PRICKLE2: variants seen among roughly 807,000 people sequenced by gnomAD.
The protein encoded by PRICKLE2 is prickle-like protein 2.
PRICKLE2 carries 21 observed loss-of-function variants against 81.4 expected under a neutral mutation model. The ratio of observed to expected loss-of-function variants is 0.26; its 90% CI spans 0.18 to 0.37. The LOEUF is 0.37. Ranked by LOEUF, PRICKLE2 falls within the 10% of genes least tolerant of loss-of-function variation. The probability of loss-of-function intolerance (pLI) is 1.00; values close to 1 mark genes in which losing one functional copy is unlikely to be tolerated. For missense variants in PRICKLE2, 940 were observed against 1,109.0 expected, an observed-to-expected ratio of 0.85 and a Z score of 2.16; for synonymous variants, 456 against 421.5, an observed-to-expected ratio of 1.08 and a Z score of -1.00.
At position 64,184,032 on chromosome 3, in the gene PRICKLE2, A is replaced by G. The variant is rs57680023; in HGVS notation, c.144+14752T>C. ...ATTAAATCCAAGGTTTGGGCTTAAG[A>G]ATTTCTGTTCTGTCTTGTTTTGCTT... On this transcript the variant is annotated intron_variant, in intron 2 of 7. Transcript: ENST00000638394. 9.6e-3 allele frequency among the ~76,000 whole-genome samples: 1,458 copies of G among 152,328 alleles called. 25 individuals are homozygous for G. The highest frequency in any genetic ancestry group is 0.033 in the African/African-American group (1,371 of 41,570).
chr3:64,178,985 T>TTC (rs1015116559), intron 2 of PRICKLE2, among the ~76,000 whole-genome samples: 8 of 142,516 alleles, frequency 5.6e-5, no homozygotes, highest in African/African-American at 2.1e-4. Context: ...CTTTCTTTCT[T>TTC]TCTTTCTTTC....
intron 7 of PRICKLE2, among the ~76,000 whole-genome samples, chr3:64,112,303 G>A (rs966759978): frequency 6.6e-6 from 1 of 152,156 alleles, no homozygotes; most frequent in Non-Finnish European, 1.5e-5. Context: ...GGATAAAAGT[G>A]GTTTATGGAT....
chr3:64,111,683 T>C (rs1022775221), intron 7 of PRICKLE2, among the ~76,000 whole-genome samples: 1 of 152,198 alleles, frequency 6.6e-6, no homozygotes, highest in African/African-American at 2.4e-5. Context: ...GTACAGTATA[T>C]CCCATTTATA....
intron 2 of PRICKLE2, among the ~76,000 whole-genome samples, chr3:64,260,575 T>C (rs2079601659): frequency 6.6e-6 from 1 of 152,130 alleles, no homozygotes; most frequent in Admixed American, 6.5e-5. Flanking sequence ...CAATGAACAG[T>C]CCAAATAAAT....
At chr3:64,157,390 T>G in intron 4 of PRICKLE2, 25 bp from the exon 5 acceptor site, 1 of 1,605,524 alleles carries the variant, frequency 6.2e-7, no homozygotes, top group South Asian at 1.1e-5. Context: ...GAAACATCAG[T>G]AGTCACACTA....
At chr3:64,131,080 A>T (rs2077190190) in intron 7 of PRICKLE2, among the ~76,000 whole-genome samples, 2 of 152,238 alleles carry the variant, frequency 1.3e-5, no homozygotes, top group South Asian at 4.1e-4. Context: ...GTGTGGTAAA[A>T]GGCCTCAAAC....
chr3:64,144,146 C>CA (rs1416113701), intron 7 of PRICKLE2, among the ~76,000 whole-genome samples: 1 of 152,150 alleles, frequency 6.6e-6, no homozygotes, highest in East Asian at 1.9e-4. Flanking sequence ...TAAAAATCCA[C>CA]ATTTTTAACT....
intron 1 of PRICKLE2, among the ~76,000 whole-genome samples, chr3:64,223,767 C>T (rs1342328463): frequency 6.6e-6 from 1 of 152,152 alleles, no homozygotes. Flanking sequence ...CCCTTGGGGA[C>T]CCTCATCCTG....
intron 4 of PRICKLE2, among the ~76,000 whole-genome samples, chr3:64,157,839 A>G (rs1207675514): frequency 6.6e-6 from 1 of 152,170 alleles, no homozygotes; most frequent in Admixed American, 6.5e-5. Flanking sequence ...TGGATACATA[A>G]CAGCACGCTC....
At chr3:64,138,968 T>C (rs939502312) in intron 7 of PRICKLE2, among the ~76,000 whole-genome samples, 10 of 152,210 alleles carry the variant, frequency 6.6e-5, no homozygotes, top group Non-Finnish European at 1.0e-4. Context: ...GACCTGGCCC[T>C]TCCTTAAATT....
At chr3:64,216,278 A>T (rs540427020) in intron 1 of PRICKLE2, among the ~76,000 whole-genome samples, 17 of 152,350 alleles carry the variant, frequency 1.1e-4, no homozygotes, top group African/African-American at 4.1e-4. Context: ...GAAAGCTGGG[A>T]TCCTCTCCCT....
intron 2 of PRICKLE2, among the ~76,000 whole-genome samples, chr3:64,257,977 C>A (rs533163990): frequency 6.6e-6 from 1 of 152,256 alleles, no homozygotes; most frequent in East Asian, 1.9e-4. Context: ...CAATAAGTCA[C>A]CATCTATGAA....
chr3:64,218,288 C>T (rs2078903194), intron 1 of PRICKLE2, among the ~76,000 whole-genome samples: 1 of 152,152 alleles, frequency 6.6e-6, no homozygotes, highest in Non-Finnish European at 1.5e-5. Context: ...TACTTAAAAA[C>T]AATAAAACCT....
At position 64,099,486 on chromosome 3, in the gene PRICKLE2, G is replaced by A; in HGVS notation, c.2100C>T (p.His700=). Residue 700 remains histidine, a synonymous_variant, in exon 8 of 8, where the codon CAC becomes CAT. Transcript: ENST00000638394. The surrounding 1 kb of genome is among the most constrained non-coding windows in gnomAD (Gnocchi z 4.3). ...SRRSRSDNAL[H]LASEREAISR... ...AGATGGCCTCGCGTTCGCTGGCCAG[G>A]TGGAGGGCGTTGTCGGAGCGAGAGC... is the stretch of plus-strand genomic sequence containing the variant. 2 of 1,590,972 alleles carry A rather than the reference G, an allele frequency of 1.3e-6. No homozygotes were observed. The highest frequency in any genetic ancestry group is 8.6e-7 in the Non-Finnish European group (1 of 1,164,004).
intron 7 of PRICKLE2, among the ~76,000 whole-genome samples, chr3:64,133,338 C>A (rs78182654): frequency 2.6e-5 from 4 of 152,126 alleles, no homozygotes; most frequent in South Asian, 4.2e-4. Context: ...AAGCTCAGGC[C>A]GGGTTCGAAT....
At chr3:64,219,326 C>T (rs915809764) in intron 1 of PRICKLE2, among the ~76,000 whole-genome samples, 1 of 152,168 alleles carries the variant, frequency 6.6e-6, no homozygotes, top group Non-Finnish European at 1.5e-5. Flanking sequence ...AAAACGGAAA[C>T]ATACATTTTA....
Position 64,097,188 on chromosome 3 carries a change from G to A in PRICKLE2, c.*1863C>T, listed in dbSNP as rs2076583648. ...AAAAAAATCAGTGACAATGACAAAT[G>A]TCATATTAATACCTGAAAAGCAAAT... On this transcript the variant is annotated 3_prime_UTR_variant, in exon 8 of 8. Transcript: ENST00000638394. 1 of 152,544 alleles carries A rather than the reference G, an allele frequency of 6.6e-6. No homozygotes were observed. The highest frequency in any genetic ancestry group is 1.5e-5 in the Non-Finnish European group (1 of 68,022). 9.4% of individuals were successfully genotyped at this position (152,544 alleles called of 1,614,324 possible).
intron 1 of PRICKLE2, among the ~76,000 whole-genome samples, chr3:64,218,639 T>C (rs975478995): frequency 6.6e-6 from 1 of 152,166 alleles, no homozygotes; most frequent in Non-Finnish European, 1.5e-5. Flanking sequence ...CACGCAGTAA[T>C]CATTAAATAT....
chr3:64,238,748 ATC>A (rs1034698704), intron 2 of PRICKLE2, among the ~76,000 whole-genome samples: 2 of 152,144 alleles, frequency 1.3e-5, no homozygotes, highest in African/African-American at 4.8e-5. Flanking sequence ...TCATCTAAGA[ATC>A]TCTGCCACAT....
Sources: gnomAD v4.1 joint callset for allele counts (sites outside exome capture counted in the v4.1 genomes callset) on GRCh38, gnomAD v4.1.1 for gene constraint, Gnocchi (gnomAD v3.1) non-coding constraint, MANE v1.5 for transcripts, NCBI Gene and HGNC (gene_info 2026-07-23, HGNC 2026-07-21) for gene names.